Variants in XIRP2 observed in about 807,000 individuals in gnomAD.
XIRP2 encodes the protein xin actin binding repeat containing 2, also known as xin actin-binding repeat-containing protein 2.
Under a neutral mutation model 277.0 loss-of-function variants are expected in XIRP2, and 236 were observed. That is an observed-to-expected ratio of 0.85 (90% CI 0.77 to 0.95). The LOEUF (loss-of-function observed/expected upper bound fraction) is 0.95, where lower values mean the gene tolerates loss of function less well. XIRP2 is among the 40% of genes least tolerant of loss of function. The pLI, the probability that XIRP2 is intolerant of heterozygous loss-of-function variation, is 0.00. For synonymous variants in XIRP2, 1,490 were observed against 1,416.5 expected (o/e 1.05, Z -1.17); for missense variants, 4,640 against 4,157.5 (o/e 1.12, Z -3.19).
At chr2:166,929,543 A>G (rs1685273525) in intron 2 of XIRP2, among the ~76,000 whole-genome samples, 1 of 152,128 alleles carries the variant, frequency 6.6e-6, no homozygotes, top group South Asian at 2.1e-4. Context: ...TTATAGTGGT[A>G]TATTATAGTA....
Position 167,245,123 on chromosome 2 carries a change from A to G in XIRP2, c.3731A>G (p.Glu1244Gly). Residue 1244 changes from glutamate to glycine, a missense_variant, in exon 9 of 11, where the codon GAA becomes GGA. Glu to Gly is a moderately conservative substitution (Grantham distance 98, BLOSUM62 -2). Coordinates refer to ENST00000409195, the MANE Select transcript of XIRP2 (RefSeq NM_152381.6). ...GTTTTAAATTGTAGGTGGCTTTTTG[A>G]AAACCAACCAATTGATAAGATAAAA... is the stretch of plus-strand genomic sequence containing the variant. ...GNVLNCRWLF[E>G]NQPIDKIKES... The G allele has an allele frequency of 6.2e-7, 1 of 1,610,658 alleles. No individual in the cohort carries two copies. The highest frequency in any genetic ancestry group is 8.5e-7 in the Non-Finnish European group (1 of 1,179,046).
chr2:167,048,440 A>G (rs903490694), intron 2 of XIRP2, among the ~76,000 whole-genome samples: 5 of 151,968 alleles, frequency 3.3e-5, no homozygotes, highest in Non-Finnish European at 5.9e-5. Flanking sequence ...TGATGATTCT[A>G]ATAATCCAAT....
At chr2:167,222,810 C>T (rs1009354083) in intron 5 of XIRP2, among the ~76,000 whole-genome samples, 1 of 152,184 alleles carries the variant, frequency 6.6e-6, no homozygotes, top group Non-Finnish European at 1.5e-5. Flanking sequence ...AGTTACTTTT[C>T]ACTTGCCCAC....
At chr2:167,093,410 T>A (rs1663397631) in intron 2 of XIRP2, among the ~76,000 whole-genome samples, 1 of 152,064 alleles carries the variant, frequency 6.6e-6, no homozygotes, top group Non-Finnish European at 1.5e-5. Flanking sequence ...GGTGGTTTGC[T>A]GCACCCATCA....
intron 4 of XIRP2, 99 bp downstream of exon 4, chr2:167,210,994 G>A: frequency 1.4e-6 from 2 of 1,434,086 alleles, no homozygotes; most frequent in Non-Finnish European, 1.9e-6. Flanking sequence ...TGGACAGGGG[G>A]CTAAAGTAGA....
chr2:167,070,884 C>T (rs1055968183), intron 2 of XIRP2, among the ~76,000 whole-genome samples: 2 of 152,124 alleles, frequency 1.3e-5, no homozygotes, highest in Non-Finnish European at 2.9e-5. Context: ...GTAATACTAA[C>T]AACTATTGCT....
At chr2:167,029,351 T>C (rs1276105056) in intron 2 of XIRP2, among the ~76,000 whole-genome samples, 1 of 152,136 alleles carries the variant, frequency 6.6e-6, no homozygotes, top group Non-Finnish European at 1.5e-5. Context: ...TTGTCATAAA[T>C]AGCTCTTATT....
chr2:166,917,181 G>A (rs776123374), intron 2 of XIRP2, among the ~76,000 whole-genome samples: 4 of 152,100 alleles, frequency 2.6e-5, no homozygotes, highest in Non-Finnish European at 5.9e-5. Flanking sequence ...CAACACCTTC[G>A]TCTTGCAGCC....
intron 4 of XIRP2, among the ~76,000 whole-genome samples, chr2:167,214,724 G>T (rs1694192539): frequency 6.6e-6 from 1 of 151,774 alleles, no homozygotes; most frequent in South Asian, 2.1e-4. Context: ...GTGCCACCAT[G>T]CCCGGCTAAT....
intron 2 of XIRP2, among the ~76,000 whole-genome samples, chr2:166,941,266 G>A (rs1685706315): frequency 6.6e-6 from 1 of 152,196 alleles, no homozygotes; most frequent in African/African-American, 2.4e-5. Context: ...ATAATCTCCT[G>A]GTGTGCCATT....
At chr2:167,017,691 T>C (rs2105479972) in intron 2 of XIRP2, among the ~76,000 whole-genome samples, 1 of 152,050 alleles carries the variant, frequency 6.6e-6, no homozygotes, top group South Asian at 2.1e-4. Flanking sequence ...TGTAGAAGTC[T>C]TATTGGGGAT....
At chr2:167,128,050 T>C (rs541412409) in intron 2 of XIRP2, among the ~76,000 whole-genome samples, 1 of 152,346 alleles carries the variant, frequency 6.6e-6, no homozygotes, top group East Asian at 1.9e-4. Context: ...ACACATTCAT[T>C]TGGGGAAGAC....
At position 167,251,156 on chromosome 2, in the gene XIRP2, C is replaced by A. The variant is rs778493981; in HGVS notation, c.9764C>A (p.Ser3255Tyr). The A allele has an allele frequency of 1.9e-6, 3 of 1,613,340 alleles. No individual in the cohort carries two copies. The African/African-American group carries it at 4.0e-5, about 22-fold the overall frequency. ...GCTGCTAGTGGTTCCTTCAGAGAAT[C>A]TGTGGACGCTCAAGAGGAAATCAGG... is the stretch of plus-strand genomic sequence containing the variant. Reference protein sequence around the residue: ...NHAASGSFRESVDAQEEIRKV... With the variant: ...NHAASGSFREYVDAQEEIRKV... Residue 3255 changes from serine to tyrosine, a missense_variant, in exon 9 of 11, where the codon TCT becomes TAT. Physicochemically the swap from Ser to Tyr is moderately radical, Grantham distance 144. Transcript: ENST00000409195.
chr2:167,027,130 C>G (rs1280494262), intron 2 of XIRP2, among the ~76,000 whole-genome samples: 2 of 152,068 alleles, frequency 1.3e-5, no homozygotes, highest in Non-Finnish European at 2.9e-5. Flanking sequence ...CTCCGTCACT[C>G]TCAGGTACAC....
At chr2:166,904,373 T>A (rs1684464143) in intron 2 of XIRP2, among the ~76,000 whole-genome samples, 1 of 152,170 alleles carries the variant, frequency 6.6e-6, no homozygotes, top group African/African-American at 2.4e-5. Flanking sequence ...GAATGACACT[T>A]AACCTTAGAA....
Position 167,247,582 on chromosome 2 carries a change from G to A in XIRP2, c.6190G>A (p.Val2064Ile). The A allele has an allele frequency of 1.2e-6, 2 of 1,613,714 alleles. No individual in the cohort carries two copies. Among genetic ancestry groups the A allele is most frequent in the Non-Finnish European group, 1.7e-6 (2 of 1,179,770 alleles). ...NVLESGDKTG[V>I]WTDTTGEQHL... ...TTTGGAATCAGGAGACAAAACGGGT[G>A]TCTGGACTGATACTACAGGAGAACA... Residue 2064 changes from valine (V) to isoleucine (I), a missense_variant, in exon 9 of 11, where the codon GTC becomes ATC. By Grantham distance (29) the Val-to-Ile change is conservative. Transcript: ENST00000409195.
chr2:167,109,306 G>A (rs1474760448), intron 2 of XIRP2, among the ~76,000 whole-genome samples: 2 of 151,820 alleles, frequency 1.3e-5, no homozygotes, highest in African/African-American at 2.4e-5. Context: ...CTTCCATGGA[G>A]TCTCACTCTT....
In XIRP2 at chr2:167,124,177, T is replaced by C. The variant is rs560550464; in HGVS notation, c.409-11732T>C. The stretch of plus-strand genomic sequence containing the variant: ...ATGATCCATTAAAAAAATTGTTTCA[T>C]AGTATTCTAGAAAAAAAGTCTCCTT... On this transcript the variant is annotated intron_variant, in intron 2 of 10. Transcript: ENST00000409195. The C allele has an allele frequency of 4.6e-5, 7 of 152,270 alleles. No homozygotes were observed. The South Asian group carries it at 1.4e-3, about 32-fold the overall frequency. 9.4% of individuals were successfully genotyped at this position (152,270 alleles called of 1,614,324 possible).
intron 2 of XIRP2, among the ~76,000 whole-genome samples, chr2:166,940,245 T>G (rs1685666304): frequency 1.3e-5 from 2 of 152,240 alleles, no homozygotes; most frequent in Non-Finnish European, 1.5e-5. Context: ...AATCAGCTAC[T>G]TAAGCTTGTG....
Sources: allele counts gnomAD v4.1 joint callset (sites outside exome capture counted in the v4.1 genomes callset), GRCh38; gene constraint gnomAD v4.1.1; transcripts MANE v1.5; gene names NCBI Gene and HGNC (gene_info 2026-07-23, HGNC 2026-07-21).